NUAK1: variants seen among roughly 807,000 people sequenced by gnomAD.
NUAK1 encodes NUAK family SNF1-like kinase 1.
A neutral mutation model predicts 56.9 loss-of-function variants in NUAK1; 26 were observed. That is an observed-to-expected ratio of 0.46 (90% CI 0.33 to 0.63). The LOEUF (loss-of-function observed/expected upper bound fraction) is 0.63. NUAK1 is among the 30% of genes least tolerant of loss of function. The pLI is 0.02. For synonymous variants in NUAK1, 337 were observed against 336.0 expected, an observed-to-expected ratio of 1.00 and a Z score of -0.03; for missense variants, 727 against 876.1, an observed-to-expected ratio of 0.83 and a Z score of 2.15.
chr12:106,120,783 C>T (rs575311955), intron 1 of NUAK1, among the ~76,000 whole-genome samples: 131 of 152,322 alleles, frequency 8.6e-4, no homozygotes, highest in African/African-American at 2.9e-3. Context: ...AGGTCCAGTG[C>T]AATGGCTTCG....
In NUAK1 at chr12:106,138,482, G is replaced by A; in HGVS notation, c.172C>T (p.Gln58Ter). Residue 58 changes from glutamine to a stop codon, truncating the protein, a stop_gained, in exon 1 of 7, where the codon CAG becomes TAG. Coordinates refer to ENST00000261402, the MANE Select transcript of NUAK1 (RefSeq NM_014840.3). LOFTEE classifies it high-confidence loss of function. The surrounding 1 kb of genome is among the most constrained non-coding windows in gnomAD (Gnocchi z 5.0). Reference protein sequence around the residue: ...KHNLKHRYELQETLGKGTYGK... With the variant: ...KHNLKHRYEL The stretch of plus-strand genomic sequence containing the variant: ...TAGGTGCCTTTGCCCAGGGTCTCCT[G>A]CAGCTCGTAGCGGTGCTTCAAGTTG... 1 of 1,613,534 alleles carries A rather than the reference G, an allele frequency of 6.2e-7. No individual in the cohort carries two copies. The highest frequency in any genetic ancestry group is 8.5e-7 in the Non-Finnish European group (1 of 1,179,836).
chr12:106,088,936 A>G (rs2032604234), intron 2 of NUAK1, among the ~76,000 whole-genome samples: 1 of 152,180 alleles, frequency 6.6e-6, no homozygotes, highest in Non-Finnish European at 1.5e-5. Context: ...GATAAAATGA[A>G]GGGGGAAGGA....
At chr12:106,132,241 G>A (rs2033084853) in intron 1 of NUAK1, among the ~76,000 whole-genome samples, 1 of 152,202 alleles carries the variant, frequency 6.6e-6, no homozygotes, top group African/African-American at 2.4e-5. Context: ...TTCAACCGTT[G>A]TCTTTCCTTC....
chr12:106,104,762 T>C (rs929410120), intron 2 of NUAK1, among the ~76,000 whole-genome samples: 2 of 151,978 alleles, frequency 1.3e-5, no homozygotes, highest in Non-Finnish European at 2.9e-5. Flanking sequence ...AAGAAATATA[T>C]TACCAACATT....
intron 1 of NUAK1, among the ~76,000 whole-genome samples, chr12:106,129,529 G>A (rs1416624020): frequency 2.0e-5 from 3 of 152,162 alleles, no homozygotes; most frequent in Admixed American, 6.5e-5. Context: ...CACGAGACAC[G>A]GGGCTGAAAC....
Position 106,067,656 on chromosome 12 carries a change from C to A in NUAK1, c.1132G>T (p.Ala378Ser). 1 of 1,614,250 alleles carries A rather than the reference C, an allele frequency of 6.2e-7. No homozygotes were observed. The highest frequency in any genetic ancestry group is 8.5e-7 in the Non-Finnish European group (1 of 1,180,044). ...LKKSKKENDF[A>S]QSGQDAVPES... ...GGCACTGCATCCTGACCAGACTGAG[C>A]AAAGTCATTCTCTTTCTTGGATTTC... Residue 378 changes from alanine (A) to serine (S), a missense_variant, in exon 7 of 7, where the codon GCT becomes TCT. By Grantham distance (99) the Ala-to-Ser change is moderately conservative. Transcript: ENST00000261402. This position sits in a 1 kb window ranked among gnomAD's most constrained non-coding sequence, Gnocchi z 6.0.
At chr12:106,135,680 A>G (rs1225532567) in intron 1 of NUAK1, among the ~76,000 whole-genome samples, 1 of 152,250 alleles carries the variant, frequency 6.6e-6, no homozygotes, top group Non-Finnish European at 1.5e-5. Flanking sequence ...GCACTGGTGC[A>G]AATGAAAATA....
chr12:106,087,194 T>C (rs1419178066), intron 2 of NUAK1, among the ~76,000 whole-genome samples: 3 of 152,208 alleles, frequency 2.0e-5, no homozygotes, highest in Non-Finnish European at 4.4e-5. Flanking sequence ...CCAGAACGGC[T>C]TTCCTGTAGA....
intron 1 of NUAK1, among the ~76,000 whole-genome samples, chr12:106,116,918 C>T (rs906096253): frequency 5.9e-5 from 9 of 152,188 alleles, no homozygotes; most frequent in African/African-American, 9.7e-5. Flanking sequence ...GTCCCTAAAA[C>T]GATGTGAGAA....
chr12:106,070,901 G>A lies in NUAK1; in HGVS notation c.705C>T (p.Asp235=). The part of the protein sequence containing the change: ...NGRPYRGPEV[D]SWALGVLLYT... ...AAAGCAACACACCCAGGGCCCAGCT[G>A]TCCACCTGGAGCAGAGAGACAGCAC... The change falls in exon 6 of 7, where the codon GAC becomes GAT. Residue 235 remains aspartate (D), a synonymous_variant. Transcript: ENST00000261402. 1 of 1,614,104 alleles carries A rather than the reference G, an allele frequency of 6.2e-7. No homozygotes were observed. The highest frequency in any genetic ancestry group is 8.5e-7 in the Non-Finnish European group (1 of 1,180,002).
At chr12:106,079,826 G>A (rs780335743) in intron 4 of NUAK1, among the ~76,000 whole-genome samples, 6 of 152,096 alleles carry the variant, frequency 3.9e-5, no homozygotes, top group South Asian at 2.1e-4. Context: ...TCCTCCTCAC[G>A]GCTCATTATC....
chr12:106,114,967 C>T (rs552745116), intron 1 of NUAK1, among the ~76,000 whole-genome samples: 10 of 152,336 alleles, frequency 6.6e-5, no homozygotes, highest in South Asian at 2.1e-4. Flanking sequence ...ATGCCAGAGA[C>T]GCTGTTTTCA....
chr12:106,124,253 GT>G (rs2136481408), intron 1 of NUAK1, among the ~76,000 whole-genome samples: 1 of 152,212 alleles, frequency 6.6e-6, no homozygotes, highest in East Asian at 1.9e-4. Flanking sequence ...AATCTCAACT[GT>G]TCTTGCCTTT....
intron 6 of NUAK1, among the ~76,000 whole-genome samples, chr12:106,068,974 T>C (rs188214399): frequency 3.4e-4 from 52 of 152,210 alleles, no homozygotes; most frequent in Non-Finnish European, 6.6e-4. Context: ...AGGAACCGCA[T>C]TGGCATCAGT....
intron 4 of NUAK1, among the ~76,000 whole-genome samples, chr12:106,073,470 C>T (rs140461282): frequency 6.6e-6 from 1 of 152,140 alleles, no homozygotes; most frequent in South Asian, 2.1e-4. Flanking sequence ...CACTTAATGA[C>T]CTTGAGCCTC....
intron 6 of NUAK1, 76 bp from the exon 7 acceptor site, chr12:106,068,031 G>A (rs1260308801): frequency 3.5e-6 from 5 of 1,408,552 alleles, no homozygotes; most frequent in Non-Finnish European, 9.6e-7. Context: ...CCCTCCAGGA[G>A]TGACGAAAGA....
At chr12:106,115,614 C>A (rs191299106) in intron 1 of NUAK1, among the ~76,000 whole-genome samples, 1 of 152,328 alleles carries the variant, frequency 6.6e-6, no homozygotes, top group Admixed American at 6.5e-5. Flanking sequence ...CTCCCCAGCC[C>A]GTTGCAAGAT....
intron 4 of NUAK1, among the ~76,000 whole-genome samples, chr12:106,076,449 C>G (rs945326191): frequency 1.3e-5 from 2 of 152,164 alleles, no homozygotes; most frequent in South Asian, 2.1e-4. Context: ...ACCTAGCTGG[C>G]ATTTTTGCTT....
intron 1 of NUAK1, among the ~76,000 whole-genome samples, chr12:106,126,463 A>C (rs575046288): frequency 6.6e-6 from 1 of 152,316 alleles, no homozygotes; most frequent in South Asian, 2.1e-4. Context: ...ATCATCCCCA[A>C]GTTACAAACA....
Sources: allele counts gnomAD v4.1 joint callset (sites outside exome capture counted in the v4.1 genomes callset), GRCh38; gene constraint gnomAD v4.1.1; non-coding constraint Gnocchi (gnomAD v3.1); transcripts MANE v1.5; gene names NCBI Gene and HGNC (gene_info 2026-07-23, HGNC 2026-07-21).